Variants in UBE2D3 observed in about 807,000 individuals in gnomAD.
The protein encoded by UBE2D3 is ubiquitin conjugating enzyme E2 D3.
UBE2D3 carries 2 observed loss-of-function variants against 22.8 expected under a neutral mutation model. The observed-to-expected ratio is 0.09, with a 90% CI of 0.04 to 0.28. The LOEUF (loss-of-function observed/expected upper bound fraction) is 0.28. UBE2D3 is among the 10% of genes least tolerant of loss of function. The pLI, the probability that UBE2D3 is intolerant of heterozygous loss-of-function variation, is 1.00. For missense variants in UBE2D3, 27 were observed against 182.5 expected, an observed-to-expected ratio of 0.15 and a Z score of 4.91; for synonymous variants, 56 against 60.4, an observed-to-expected ratio of 0.93 and a Z score of 0.34.
intron 2 of UBE2D3, among the ~76,000 whole-genome samples, chr4:102,822,659 C>T (rs1265492407): frequency 1.4e-5 from 2 of 147,916 alleles, no homozygotes; most frequent in African/African-American, 2.5e-5. Context: ...AGGGCCAGGC[C>T]ACGTGGTGGC....
chr4:102,854,270 A>G (rs1467032516), intron 1 of UBE2D3, among the ~76,000 whole-genome samples: 1 of 151,962 alleles, frequency 6.6e-6, no homozygotes, highest in Non-Finnish European at 1.5e-5. Flanking sequence ...AAATGTGTAT[A>G]TTTTTTAAGG....
At chr4:102,848,921 C>CTGTGTGTGAG (rs1553967032) in intron 1 of UBE2D3, among the ~76,000 whole-genome samples, 1 of 142,738 alleles carries the variant, frequency 7.0e-6, no homozygotes, top group African/African-American at 2.6e-5. Flanking sequence ...TTATGTGTGC[C>CTGTGTGTGAG]TGTGTGTGTG....
At chr4:102,819,952 C>G (rs963218869) in intron 2 of UBE2D3, among the ~76,000 whole-genome samples, 1 of 152,164 alleles carries the variant, frequency 6.6e-6, no homozygotes, top group Non-Finnish European at 1.5e-5. Flanking sequence ...GACTGTGAAT[C>G]AGCATTATAA....
chr4:102,801,428 C>T, intron 6 of UBE2D3, 26 bp downstream of exon 6: 1 of 1,561,912 alleles, frequency 6.4e-7, no homozygotes. Flanking sequence ...ACAATGAGAA[C>T]AGCTTATTTC....
intron 1 of UBE2D3, among the ~76,000 whole-genome samples, chr4:102,860,126 C>T (rs569064197): frequency 2.0e-5 from 3 of 148,258 alleles, no homozygotes; most frequent in South Asian, 2.1e-4. Context: ...GGATTACAGG[C>T]GTGAGCCACC....
intron 1 of UBE2D3, 131 bp from the exon 2 acceptor site, chr4:102,826,767 C>A: frequency 1.5e-6 from 2 of 1,307,958 alleles, no homozygotes; most frequent in South Asian, 4.1e-5. Context: ...AGCCTCTGTA[C>A]CGTGCTTTCG....
chr4:102,812,051 C>T lies in UBE2D3; in HGVS notation c.25-2196G>A, dbSNP rs550804855. 3.2e-5 allele frequency: 6 copies of T among 185,282 alleles called. No homozygotes were observed. The South Asian group carries it at 4.7e-4, about 14-fold the overall frequency. 11.5% of individuals were successfully genotyped at this position (185,282 alleles called of 1,614,324 possible). On this transcript the variant is annotated intron_variant, in intron 2 of 7. Transcript: ENST00000453744. ...TCCTCAACTGTGATCTTTTGCCTTCCTGTGCAAAATCAAGGACACAAAATG... is the reference window on the plus strand; with the variant it reads ...TCCTCAACTGTGATCTTTTGCCTTCTTGTGCAAAATCAAGGACACAAAATG...
At chr4:102,807,987 T>C (rs1727336183) in intron 4 of UBE2D3, among the ~76,000 whole-genome samples, 1 of 152,206 alleles carries the variant, frequency 6.6e-6, no homozygotes, top group Non-Finnish European at 1.5e-5. Flanking sequence ...TTCTTAGTAT[T>C]GACAATTTTT....
At chr4:102,801,422 T>C (rs2110254321) in intron 6 of UBE2D3, 32 bp downstream of exon 6, 2 of 1,557,528 alleles carry the variant, frequency 1.3e-6, no homozygotes, top group East Asian at 2.3e-5. Context: ...TATTAGACAA[T>C]GAGAACAGCT....
chr4:102,868,840 A>G, exon 1 of UBE2D3: 1 of 1,578,356 alleles, frequency 6.3e-7, no homozygotes, highest in Non-Finnish European at 8.7e-7. Flanking sequence ...CCTTCACACG[A>G]GATTCCGAGG....
At chr4:102,832,960 G>A (rs1232602292) in intron 1 of UBE2D3, among the ~76,000 whole-genome samples, 4 of 147,432 alleles carry the variant, frequency 2.7e-5, no homozygotes, top group East Asian at 4.0e-4. Context: ...TTGCAGCAGT[G>A]CACTCTAGCC....
At chr4:102,848,576 C>T (rs996798172) in intron 1 of UBE2D3, among the ~76,000 whole-genome samples, 9 of 149,388 alleles carry the variant, frequency 6.0e-5, no homozygotes, top group African/African-American at 9.9e-5. Flanking sequence ...ACCTGGGAGG[C>T]GGAGGATGCA....
chr4:102,815,825 G>T (rs561907878), intron 2 of UBE2D3, among the ~76,000 whole-genome samples: 2 of 152,150 alleles, frequency 1.3e-5, no homozygotes, highest in African/African-American at 4.8e-5. Context: ...ATAGAAAAAT[G>T]ACCTAAGTAT....
Position 102,827,370 on chromosome 4 carries a change from G to A in UBE2D3, c.-129+57C>T, listed in dbSNP as rs1184433066. ...AGGTCCCGCACTGCCCCTCTTACCC[G>A]GCCGGCCACTGGGCCGGCCTCCCTT... is the stretch of plus-strand genomic sequence containing the variant. On this transcript the variant is annotated intron_variant, in intron 1 of 7. Coordinates refer to ENST00000453744, the MANE Select transcript of UBE2D3 (RefSeq NM_181891.3). The A allele has an allele frequency of 6.1e-6, 6 of 985,490 alleles. No individual in the cohort carries two copies. The South Asian group carries it at 2.8e-4, about 46-fold the overall frequency. The allele number at this position is 985,490 out of a possible 1,614,324, so 61.0% of individuals were successfully genotyped here. A position where few individuals can be genotyped will look rare whatever the true frequency, so the allele number is the denominator to read the frequency against.
At chr4:102,813,205 T>C (rs1341250830) in intron 2 of UBE2D3, among the ~76,000 whole-genome samples, 1 of 151,930 alleles carries the variant, frequency 6.6e-6, no homozygotes, top group Non-Finnish European at 1.5e-5. Context: ...AATCTCACTA[T>C]GTTGCCCAAG....
chr4:102,850,752 T>C (rs1732300919), intron 1 of UBE2D3, among the ~76,000 whole-genome samples: 1 of 152,084 alleles, frequency 6.6e-6, no homozygotes, highest in South Asian at 2.1e-4. Flanking sequence ...TACTCAGCCA[T>C]AAAAAGAAAT....
At chr4:102,856,520 T>C (rs1391794916) in intron 1 of UBE2D3, among the ~76,000 whole-genome samples, 1 of 152,206 alleles carries the variant, frequency 6.6e-6, no homozygotes, top group Non-Finnish European at 1.5e-5. Flanking sequence ...AGTGCTTTCA[T>C]GCTTTGAAAA....
chr4:102,806,448 GAAA>G (rs923937752), intron 4 of UBE2D3, among the ~76,000 whole-genome samples: 13 of 151,780 alleles, frequency 8.6e-5, no homozygotes, highest in African/African-American at 3.1e-4. Context: ...GTTAAAGGTG[GAAA>G]AAGTCTTCAG....
chr4:102,864,291 G>A (rs552627171), intron 1 of UBE2D3, among the ~76,000 whole-genome samples: 35 of 152,328 alleles, frequency 2.3e-4, no homozygotes, highest in African/African-American at 7.5e-4. Flanking sequence ...GACAGTAGTA[G>A]TGTTTTGTTA....
Sources: gnomAD v4.1 joint callset for allele counts (sites outside exome capture counted in the v4.1 genomes callset) on GRCh38, gnomAD v4.1.1 for gene constraint, MANE v1.5 for transcripts, NCBI Gene and HGNC (gene_info 2026-07-23, HGNC 2026-07-21) for gene names.